ZZEF1: variants seen among roughly 807,000 people sequenced by gnomAD.
ZZEF1 encodes zinc finger ZZ-type and EF-hand domain containing 1.
ZZEF1 carries 157 observed loss-of-function variants against 342.8 expected under a neutral mutation model. The observed-to-expected ratio is 0.46, with a 90% CI of 0.40 to 0.52. The LOEUF (loss-of-function observed/expected upper bound fraction) is 0.52, where lower values mean the gene tolerates loss of function less well. Among genes scored for constraint, ZZEF1 ranks in the 20% least tolerant of loss-of-function variants. The pLI, the probability that ZZEF1 is intolerant of heterozygous loss-of-function variation, is 0.00. For missense variants in ZZEF1, 3,480 were observed against 3,725.6 expected (o/e 0.93, Z 1.72); for synonymous variants, 1,505 against 1,429.1 (o/e 1.05, Z -1.20).
intron 15 of ZZEF1, 139 bp from the exon 16 acceptor site, chr17:4,085,942 G>A: frequency 9.3e-7 from 1 of 1,078,364 alleles, no homozygotes; most frequent in African/African-American, 1.6e-5. Context: ...TACAGGCCAG[G>A]CAGTATAAAA....
chr17:4,093,976 G>C (rs2057990906), intron 11 of ZZEF1, among the ~76,000 whole-genome samples: 1 of 152,006 alleles, frequency 6.6e-6, no homozygotes, highest in Non-Finnish European at 1.5e-5. Flanking sequence ...TTTTCCCTTG[G>C]CTTCATGGGA....
At chr17:4,063,171 A>G in intron 29 of ZZEF1, among the ~76,000 whole-genome samples, 1 of 152,244 alleles carries the variant, frequency 6.6e-6, no homozygotes, top group Non-Finnish European at 1.5e-5. Context: ...ATTAAAAAGG[A>G]ACATTGATAT....
intron 42 of ZZEF1, among the ~76,000 whole-genome samples, chr17:4,027,268 G>A (rs149775272): frequency 2.6e-4 from 35 of 132,920 alleles, no homozygotes; most frequent in African/African-American, 7.6e-4. Flanking sequence ...TAAGACCTAC[G>A]CACCCAGCAA....
chr17:4,045,816 G>GT (rs2056900324), intron 37 of ZZEF1, among the ~76,000 whole-genome samples: 1 of 143,692 alleles, frequency 7.0e-6, no homozygotes, highest in South Asian at 2.2e-4. Context: ...CCTAGATGCT[G>GT]TTTTTTTGTT....
At chr17:4,074,482 A>G in intron 23 of ZZEF1, 131 bp from the exon 24 acceptor site, 1 of 940,050 alleles carries the variant, frequency 1.1e-6, no homozygotes, top group Non-Finnish European at 1.6e-6. Context: ...AAAATGACTA[A>G]CGGAGAAATG....
chr17:4,107,043 G>T (rs1441911880), intron 6 of ZZEF1, among the ~76,000 whole-genome samples: 1 of 152,160 alleles, frequency 6.6e-6, no homozygotes. Flanking sequence ...GATCAGTGAG[G>T]TTTAATGCAC....
intron 2 of ZZEF1, among the ~76,000 whole-genome samples, chr17:4,119,759 C>T (rs1333258497): frequency 6.6e-6 from 1 of 152,238 alleles, no homozygotes; most frequent in African/African-American, 2.4e-5. Flanking sequence ...AGCTCATCCT[C>T]TTCTTTCATC....
At position 4,017,327 on chromosome 17, in the gene ZZEF1, G is replaced by C. The variant is rs768650396; in HGVS notation, c.8001+44C>G. 4 of 1,545,120 alleles carry C rather than the reference G, an allele frequency of 2.6e-6. No homozygotes were observed. The East Asian group carries it at 6.8e-5, about 26-fold the overall frequency. ...CACTGGAGGAAGCCTGTGGGGCAGA[G>C]GAAGAACCTGGTGGGTGAGCACAAG... On this transcript the variant is annotated intron_variant, in intron 48 of 54. Transcript: ENST00000381638. The surrounding 1 kb of genome is among the most constrained non-coding windows in gnomAD (Gnocchi z 5.1).
chr17:4,130,196 A>G (rs1022593349), intron 1 of ZZEF1, among the ~76,000 whole-genome samples: 2 of 152,154 alleles, frequency 1.3e-5, no homozygotes, highest in Non-Finnish European at 2.9e-5. Context: ...GCTCATGCCT[A>G]TAATCCCAGC....
At chr17:4,064,878 TGGGGGA>T in intron 28 of ZZEF1, 49 bp from the exon 29 acceptor site, 31 of 1,138,634 alleles carry the variant, frequency 2.7e-5, no homozygotes, top group Non-Finnish European at 3.6e-5. Context: ...GTTAAAATTA[TGGGGGA>T]GGGGGAGGGG....
At chr17:4,115,371 T>C (rs1370145951) in intron 3 of ZZEF1, among the ~76,000 whole-genome samples, 2 of 152,062 alleles carry the variant, frequency 1.3e-5, no homozygotes, top group African/African-American at 2.4e-5. Context: ...ATTTTAAAAA[T>C]TAAGAAACTG....
At chr17:4,074,410 C>A (rs923171366) in intron 23 of ZZEF1, 59 bp from the exon 24 acceptor site, 2 of 1,540,092 alleles carry the variant, frequency 1.3e-6, no homozygotes, top group Admixed American at 3.4e-5. Context: ...CTTCAGAAAT[C>A]AGCATGCTCT....
intron 42 of ZZEF1, 92 bp from the exon 43 acceptor site, chr17:4,025,210 A>G (rs2056376622): frequency 5.8e-6 from 7 of 1,196,740 alleles, no homozygotes; most frequent in Non-Finnish European, 8.4e-6. Context: ...TGCCTTACTA[A>G]AGTAGGGACT....
intron 43 of ZZEF1, 47 bp from the exon 44 acceptor site, chr17:4,022,875 A>C: frequency 3.7e-6 from 6 of 1,604,376 alleles, no homozygotes; most frequent in Non-Finnish European, 5.1e-6. Flanking sequence ...GGAGTGAAGA[A>C]GGTACAACCT....
intron 13 of ZZEF1, among the ~76,000 whole-genome samples, chr17:4,087,783 A>AAC (rs10522603): frequency 0.041 from 6,051 of 145,948 alleles, 165 homozygotes; most frequent in African/African-American, 0.072. Context: ...ATATACACAC[A>AAC]ACACACACAC....
intron 1 of ZZEF1, among the ~76,000 whole-genome samples, chr17:4,140,373 T>C (rs775016318): frequency 9.9e-5 from 15 of 152,206 alleles, no homozygotes; most frequent in Non-Finnish European, 2.2e-4. Context: ...TGGGCTGAAA[T>C]GTTACCTTCT....
chr17:4,118,477 G>A (rs1279177313), intron 2 of ZZEF1, among the ~76,000 whole-genome samples: 2 of 152,200 alleles, frequency 1.3e-5, no homozygotes, highest in African/African-American at 4.8e-5. Context: ...CAGCATCCCT[G>A]TCTGCCACTG....
At chr17:4,032,342 G>T in intron 41 of ZZEF1, 84 bp from the exon 42 acceptor site, 2 of 1,442,724 alleles carry the variant, frequency 1.4e-6, no homozygotes, top group South Asian at 1.3e-5. Context: ...AGCCCCCTTT[G>T]ATTGTGCCTC....
intron 30 of ZZEF1, among the ~76,000 whole-genome samples, chr17:4,062,169 G>A (rs938905619): frequency 6.6e-6 from 1 of 151,946 alleles, no homozygotes; most frequent in Non-Finnish European, 1.5e-5. Context: ...TCTGATCTTA[G>A]CTGGTCATTC....
Sources: allele counts gnomAD v4.1 joint callset (sites outside exome capture counted in the v4.1 genomes callset), GRCh38; gene constraint gnomAD v4.1.1; non-coding constraint Gnocchi (gnomAD v3.1); transcripts MANE v1.5; gene names NCBI Gene and HGNC (gene_info 2026-07-23, HGNC 2026-07-21).